Variants in PIGN observed in about 807,000 individuals in gnomAD.
The protein encoded by PIGN is GPI ethanolamine phosphate transferase 1.
PIGN carries 117 observed loss-of-function variants against 125.4 expected under a neutral mutation model. That is an observed-to-expected ratio of 0.93 (90% CI 0.80 to 1.09). The LOEUF is 1.09. PIGN is among the 50% of genes least tolerant of loss of function. PIGN has a pLI of 0.00. For missense variants in PIGN, 1,075 were observed against 1,094.9 expected, an observed-to-expected ratio of 0.98 and a Z score of 0.26; for synonymous variants, 392 against 377.8, an observed-to-expected ratio of 1.04 and a Z score of -0.44.
intron 23 of PIGN, among the ~76,000 whole-genome samples, chr18:62,092,421 T>C (rs1475135961): frequency 1.3e-5 from 2 of 151,998 alleles, no homozygotes; most frequent in Middle Eastern, 3.2e-3. Context: ...AAATACACTA[T>C]ATGAGAAGTG....
At chr18:62,135,351 T>A (rs1223606018) in intron 14 of PIGN, among the ~76,000 whole-genome samples, 1 of 152,128 alleles carries the variant, frequency 6.6e-6, no homozygotes, top group Non-Finnish European at 1.5e-5. Flanking sequence ...GTGGTGATTT[T>A]TAGCCAGACA....
intron 30 of PIGN, chr18:62,051,763 T>C (rs995982404): frequency 3.5e-4 from 53 of 152,248 alleles, no homozygotes; most frequent in African/African-American, 1.3e-3. Context: ...ACGTTTGCTC[T>C]TTCTTTTCTA....
rs184318833 is a variant in PIGN, at chr18:62,059,629, T to A, written c.2672+13044A>T. On this transcript the variant is annotated intron_variant, in intron 30 of 30. Transcript: ENST00000640252. ...CTGTAGAGACAGAAAGCAGATTTGT[T>A]GTTGCCTGGGCTTGGGATGGTAATG... 9.6e-4 allele frequency among the ~76,000 whole-genome samples: 146 copies of A among 152,326 alleles called. 1 individual carries two copies. The highest frequency in any genetic ancestry group is 3.4e-3 in the African/African-American group (142 of 41,566).
intron 6 of PIGN, 106 bp from the exon 7 acceptor site, chr18:62,154,757 C>T (rs1568237010): frequency 1.5e-6 from 1 of 666,224 alleles, no homozygotes; most frequent in East Asian, 2.7e-5. Context: ...AGAATTTTCA[C>T]AAAGCATTGT....
intron 14 of PIGN, among the ~76,000 whole-genome samples, chr18:62,115,374 T>C (rs543668476): frequency 6.6e-6 from 1 of 152,232 alleles, no homozygotes; most frequent in East Asian, 1.9e-4. Flanking sequence ...AATAAATCTA[T>C]ATATTTAAAT....
At chr18:62,123,205 A>G (rs986131405) in intron 14 of PIGN, among the ~76,000 whole-genome samples, 1 of 152,146 alleles carries the variant, frequency 6.6e-6, no homozygotes, top group South Asian at 2.1e-4. Context: ...GGGCCACTAT[A>G]CTGCAGCCTG....
intron 30 of PIGN, among the ~76,000 whole-genome samples, chr18:62,054,026 T>TA (rs1006880461): frequency 2.6e-5 from 4 of 151,406 alleles, no homozygotes; most frequent in Non-Finnish European, 4.4e-5. Flanking sequence ...TCAAGAGAAA[T>TA]AAAAAAAACA....
chr18:62,058,466 C>T (rs79413670), intron 30 of PIGN, among the ~76,000 whole-genome samples: 39 of 152,262 alleles, frequency 2.6e-4, no homozygotes, highest in African/African-American at 6.0e-4. Flanking sequence ...TATGGAAAGA[C>T]GCAAACGTGA....
chr18:62,113,823 G>A (rs1275374121), intron 15 of PIGN, among the ~76,000 whole-genome samples: 5 of 152,016 alleles, frequency 3.3e-5, no homozygotes, highest in Non-Finnish European at 7.4e-5. Context: ...AATGAAAACA[G>A]AATTCTTTTC....
intron 23 of PIGN, among the ~76,000 whole-genome samples, chr18:62,032,598 A>G (rs2030206649): frequency 1.3e-5 from 2 of 152,254 alleles, no homozygotes; most frequent in Non-Finnish European, 2.9e-5. Flanking sequence ...AGAAACAAAA[A>G]TCTACAGATG....
chr18:62,092,014 C>CA (rs552983361), intron 23 of PIGN, among the ~76,000 whole-genome samples: 72 of 151,024 alleles, frequency 4.8e-4, no homozygotes, highest in Non-Finnish European at 7.2e-4. Flanking sequence ...GATAAGAAAG[C>CA]AAAAAAAACC....
At chr18:62,132,081 T>C (rs192441415) in intron 14 of PIGN, among the ~76,000 whole-genome samples, 1 of 152,196 alleles carries the variant, frequency 6.6e-6, no homozygotes, top group East Asian at 1.9e-4. Context: ...CTGGGTTATC[T>C]TTTTTGCTAA....
At chr18:62,096,556 G>A (rs1599508709) in intron 22 of PIGN, among the ~76,000 whole-genome samples, 1 of 78,594 alleles carries the variant, frequency 1.3e-5, no homozygotes. Context: ...TATACTCTAA[G>A]TTTTAGGGTA....
intron 30 of PIGN, among the ~76,000 whole-genome samples, chr18:62,061,536 AAAT>A (rs199790916): frequency 0.1 from 9,908 of 96,078 alleles, 770 homozygotes; most frequent in Non-Finnish European, 0.16. Context: ...AAAAAAAAAA[AAAT>A]GCAATAAAAT....
intron 14 of PIGN, among the ~76,000 whole-genome samples, chr18:62,115,586 A>G (rs1252283201): frequency 6.8e-6 from 1 of 147,766 alleles, no homozygotes; most frequent in Non-Finnish European, 1.5e-5. Context: ...TCTTCTTTCT[A>G]CTTGGCTCAA....
intron 21 of PIGN, among the ~76,000 whole-genome samples, chr18:62,101,645 G>A (rs946385330): frequency 6.6e-6 from 1 of 152,120 alleles, no homozygotes; most frequent in Non-Finnish European, 1.5e-5. Flanking sequence ...CTCCAAAAAT[G>A]AATTTAACTT....
At position 62,146,972 on chromosome 18, in the gene PIGN, C is replaced by G. The variant is rs1057520345; in HGVS notation, c.804G>C (p.Trp268Cys). ...IFTSDHGMTD[W>C]GSHGAGHPSE... ...CATATCAATTAAAGACACACTAACC[C>G]CAGTCTGTCATTCCATGGTCAGAGG... The change falls in exon 9 of 31, where the codon TGG becomes TGC. Residue 268 changes from tryptophan to cysteine, a missense_variant and splice_region_variant. Trp to Cys is a radical substitution (Grantham distance 215). Coordinates refer to ENST00000640252, the MANE Select transcript of PIGN (RefSeq NM_176787.5). 5.0e-6 allele frequency: 8 copies of G among 1,611,232 alleles called. No homozygotes were observed. Among genetic ancestry groups the G allele is most frequent in the Non-Finnish European group, 6.8e-6 (8 of 1,177,956 alleles).
At chr18:62,096,028 C>T in intron 22 of PIGN, 78 bp from the exon 23 acceptor site, 2 of 826,586 alleles carry the variant, frequency 2.4e-6, no homozygotes, top group Non-Finnish European at 4.0e-6. Context: ...GGCGTGGTGG[C>T]TCACACCTGT....
At chr18:62,057,393 A>C (rs965733330) in intron 30 of PIGN, among the ~76,000 whole-genome samples, 26 of 152,086 alleles carry the variant, frequency 1.7e-4, no homozygotes, top group Admixed American at 8.5e-4. Flanking sequence ...GTTGCCCTTG[A>C]TTCTTTTTTT....
Sources: gnomAD v4.1 joint callset for allele counts (sites outside exome capture counted in the v4.1 genomes callset) on GRCh38, gnomAD v4.1.1 for gene constraint, MANE v1.5 for transcripts, NCBI Gene and HGNC (gene_info 2026-07-23, HGNC 2026-07-21) for gene names.